RBFOX1: variants seen among roughly 807,000 people sequenced by gnomAD.
RBFOX1 encodes RNA binding fox-1 homolog 1, also known as RNA binding protein fox-1 homolog 1.
In RBFOX1, 8 loss-of-function variants were observed where a neutral mutation model predicts 57.7. That is an observed-to-expected ratio of 0.14 (90% CI 0.08 to 0.25). RBFOX1 has a LOEUF of 0.25. Among genes scored for constraint, RBFOX1 ranks in the 10% least tolerant of loss-of-function variants. The pLI is 1.00. For missense variants in RBFOX1, 611 were observed against 548.5 expected (o/e 1.11, Z -1.14); for synonymous variants, 326 against 222.4 (o/e 1.47, Z -4.15).
At chr16:5,862,165 C>T (rs1054765817) in intron 3 of RBFOX1, among the ~76,000 whole-genome samples, 2 of 152,222 alleles carry the variant, frequency 1.3e-5, no homozygotes, top group African/African-American at 4.8e-5. Context: ...ACCTGCTAGA[C>T]TCCTTCAGGG....
intron 1 of RBFOX1, among the ~76,000 whole-genome samples, chr16:6,143,959 CTATA>C (rs71142686): frequency 6.4e-5 from 9 of 139,950 alleles, no homozygotes; most frequent in East Asian, 2.1e-4. Context: ...CCATACTCAG[CTATA>C]TATATATATA....
chr16:6,350,297 G>A (rs1386281859), intron 2 of RBFOX1, among the ~76,000 whole-genome samples: 2 of 151,688 alleles, frequency 1.3e-5, no homozygotes, highest in Non-Finnish European at 2.9e-5. Flanking sequence ...TTAGCCGGGT[G>A]TGGTTGCGTT....
chr16:7,685,254 GATCT>G (rs1178491367), intron 14 of RBFOX1, among the ~76,000 whole-genome samples: 4 of 152,008 alleles, frequency 2.6e-5, no homozygotes, highest in African/African-American at 4.8e-5. Context: ...GAGATAAGAG[GATCT>G]ATCTTTATAA....
intron 4 of RBFOX1, among the ~76,000 whole-genome samples, chr16:7,433,568 C>G (rs55892956): frequency 1.3e-5 from 2 of 152,198 alleles, no homozygotes; most frequent in African/African-American, 2.4e-5. Flanking sequence ...TGAATTGAGT[C>G]TTAAGGGGTT....
intron 1 of RBFOX1, among the ~76,000 whole-genome samples, chr16:6,113,450 C>A (rs2096466437): frequency 6.6e-6 from 1 of 152,156 alleles, no homozygotes; most frequent in African/African-American, 2.4e-5. Flanking sequence ...GGAAATTTTT[C>A]TGGGTGATGA....
chr16:5,743,663 TTTTG>T (rs2052864716), intron 3 of RBFOX1, among the ~76,000 whole-genome samples: 1 of 152,224 alleles, frequency 6.6e-6, no homozygotes, highest in East Asian at 1.9e-4. Context: ...TATATTTCTT[TTTTG>T]TTTATTACGC....
chr16:5,606,155 G>C (rs1649387204), intron 3 of RBFOX1, among the ~76,000 whole-genome samples: 1 of 152,126 alleles, frequency 6.6e-6, no homozygotes, highest in Non-Finnish European at 1.5e-5. Context: ...TCTGTGATGT[G>C]AGAGTAGAGA....
At chr16:6,135,684 C>T (rs1377622263) in intron 1 of RBFOX1, among the ~76,000 whole-genome samples, 1 of 150,556 alleles carries the variant, frequency 6.6e-6, no homozygotes, top group Non-Finnish European at 1.5e-5. Context: ...GGAACAATGA[C>T]TAATCATAAG....
rs1285440586 is a variant in RBFOX1, at chr16:5,946,313, C to G, written c.351+78978C>G. Among the ~76,000 whole-genome samples the G allele has an allele frequency of 1.3e-5, 2 of 152,164 alleles. No homozygotes were observed. The highest frequency in any genetic ancestry group is 6.5e-5 in the Admixed American group (1 of 15,278). On this transcript the variant is annotated intron_variant, in intron 4 of 19. Coordinates refer to the RBFOX1 transcript ENST00000641259. The surrounding 1 kb of genome is among the most constrained non-coding windows in gnomAD (Gnocchi z 4.6). Reference sequence around the variant, plus strand: ...CTCCCTCATAGGGTTATTTGAGGCTCAGACTAAATGGATGTGAGTGTGTCT... The same window carrying G: ...CTCCCTCATAGGGTTATTTGAGGCTGAGACTAAATGGATGTGAGTGTGTCT...
At chr16:5,971,533 G>T (rs891601947) in intron 4 of RBFOX1, among the ~76,000 whole-genome samples, 30 of 152,138 alleles carry the variant, frequency 2.0e-4, no homozygotes, top group African/African-American at 7.0e-4. Flanking sequence ...TTTAAGGAAA[G>T]CAAATAATTG....
At chr16:5,932,167 C>G (rs1023518770) in intron 4 of RBFOX1, among the ~76,000 whole-genome samples, 2 of 152,114 alleles carry the variant, frequency 1.3e-5, no homozygotes, top group Admixed American at 6.5e-5. Context: ...CTTAATCACA[C>G]CAGTCCATTA....
chr16:7,660,623 T>G (rs1446137675), intron 12 of RBFOX1, among the ~76,000 whole-genome samples: 1 of 152,196 alleles, frequency 6.6e-6, no homozygotes, highest in African/African-American at 2.4e-5. Context: ...GTCTCAAATG[T>G]AAAGTAAAAT....
chr16:5,611,683 C>T (rs1288447779), intron 3 of RBFOX1, among the ~76,000 whole-genome samples: 1 of 151,944 alleles, frequency 6.6e-6, no homozygotes, highest in Non-Finnish European at 1.5e-5. Flanking sequence ...TCCATCCATC[C>T]ACCCACTCCC....
intron 1 of RBFOX1, among the ~76,000 whole-genome samples, chr16:6,165,177 A>C (rs1239825791): frequency 6.6e-6 from 1 of 152,202 alleles, no homozygotes; most frequent in African/African-American, 2.4e-5. Context: ...ATTAATACCC[A>C]CCTGACAAGA....
intron 4 of RBFOX1, among the ~76,000 whole-genome samples, chr16:7,052,660 A>T (rs2050511920): frequency 6.6e-6 from 1 of 152,220 alleles, no homozygotes; most frequent in Non-Finnish European, 1.5e-5. Flanking sequence ...GTGCTCAGGC[A>T]TATCGGTGTA....
At chr16:6,281,538 C>T (rs1212915465) in intron 1 of RBFOX1, among the ~76,000 whole-genome samples, 1 of 152,052 alleles carries the variant, frequency 6.6e-6, no homozygotes, top group East Asian at 1.9e-4. Context: ...GAATTCATTG[C>T]AGGGGAGAGG....
chr16:5,472,371 G>A (rs781282541), intron 2 of RBFOX1, among the ~76,000 whole-genome samples: 1 of 152,048 alleles, frequency 6.6e-6, no homozygotes, highest in African/African-American at 2.4e-5. Flanking sequence ...CCCATTGCAA[G>A]AAAGATTATT....
intron 3 of RBFOX1, among the ~76,000 whole-genome samples, chr16:6,748,163 C>T (rs900522826): frequency 3.9e-5 from 6 of 151,920 alleles, no homozygotes; most frequent in African/African-American, 1.5e-4. Context: ...TTACTAGCAT[C>T]TCGTTAGGCA....
At chr16:6,465,632 G>C (rs973504579) in intron 2 of RBFOX1, among the ~76,000 whole-genome samples, 2 of 100,570 alleles carry the variant, frequency 2.0e-5, no homozygotes, top group Admixed American at 9.6e-5. Flanking sequence ...GTGTGTGTGT[G>C]TGTGTATTTA....
Sources: gnomAD v4.1 joint callset for allele counts (sites outside exome capture counted in the v4.1 genomes callset) on GRCh38, gnomAD v4.1.1 for gene constraint, Gnocchi (gnomAD v3.1) non-coding constraint, MANE v1.5 for transcripts, NCBI Gene and HGNC (gene_info 2026-07-23, HGNC 2026-07-21) for gene names.